Variants in ZFPM2 observed in about 807,000 individuals in gnomAD.
ZFPM2 encodes zinc finger protein ZFPM2.
Under a neutral mutation model 98.6 loss-of-function variants are expected in ZFPM2, and 20 were observed. That is an observed-to-expected ratio of 0.20 (90% CI 0.14 to 0.29). The LOEUF (loss-of-function observed/expected upper bound fraction) is 0.29, where lower values mean the gene tolerates loss of function less well. Among genes scored for constraint, ZFPM2 ranks in the 10% least tolerant of loss-of-function variants. ZFPM2 has a pLI of 1.00. For missense variants in ZFPM2, 1,310 were observed against 1,388.6 expected (o/e 0.94, Z 0.90); for synonymous variants, 518 against 502.7 (o/e 1.03, Z -0.41).
intron 3 of ZFPM2, among the ~76,000 whole-genome samples, chr8:105,522,094 G>A (rs1461558080): frequency 6.6e-6 from 1 of 152,138 alleles, no homozygotes; most frequent in African/African-American, 2.4e-5. Flanking sequence ...AAATTAGAAT[G>A]AACTATTTAA....
rs116233811 is a variant in ZFPM2, at chr8:105,598,361, A to T, written c.421-35885A>T. 6.5e-3 allele frequency among the ~76,000 whole-genome samples: 995 copies of T among 152,188 alleles called. 9 individuals are homozygous for T. The highest frequency in any genetic ancestry group is 0.023 in the African/African-American group (949 of 41,542). On this transcript the variant is annotated intron_variant, in intron 4 of 7. Transcript: ENST00000407775. ...TTTTATGAGAGAGAGAACTGATAGG[A>T]CTGATTACTTTTATTTTGATAAAGG...
chr8:105,397,724 C>A (rs1043565331), intron 1 of ZFPM2, among the ~76,000 whole-genome samples: 1 of 151,972 alleles, frequency 6.6e-6, no homozygotes, highest in African/African-American at 2.4e-5. Context: ...GTTTGTTGTG[C>A]CATATACAAG....
intron 1 of ZFPM2, among the ~76,000 whole-genome samples, chr8:105,395,644 A>T (rs187249657): frequency 6.6e-6 from 1 of 152,188 alleles, no homozygotes; most frequent in Non-Finnish European, 1.5e-5. Flanking sequence ...GTTTTATATA[A>T]TTATTAAGAA....
At position 105,803,230 on chromosome 8, in the gene ZFPM2, C is replaced by A. The variant is rs773967666; in HGVS notation, c.3148C>A (p.Gln1050Lys). Residue 1050 changes from glutamine to lysine, a missense_variant, in exon 8 of 8, where the codon CAA becomes AAA. Coordinates refer to ENST00000407775, the MANE Select transcript of ZFPM2 (RefSeq NM_012082.4). ...GGTAATAGTGAATGGTGGACTGAAA[C>A]AAGATGAGAGACCTGCTGCCAACCC... ...GMVIVNGGLK[Q>K]DERPAANPQQ... 6.2e-7 allele frequency: 1 copy of A among 1,609,576 alleles called. No individual in the cohort carries two copies. Among genetic ancestry groups the A allele is most frequent in the Non-Finnish European group, 8.5e-7 (1 of 1,177,158 alleles).
At chr8:105,447,217 A>C (rs1812392220) in intron 3 of ZFPM2, among the ~76,000 whole-genome samples, 1 of 151,974 alleles carries the variant, frequency 6.6e-6, no homozygotes, top group Non-Finnish European at 1.5e-5. Flanking sequence ...AAAATTAATA[A>C]AAAAATAAAA....
chr8:105,327,300 T>G (rs1451530056), intron 1 of ZFPM2, among the ~76,000 whole-genome samples: 1 of 151,662 alleles, frequency 6.6e-6, no homozygotes, highest in Non-Finnish European at 1.5e-5. Context: ...ATGAATAGAG[T>G]GAAGAATTAA....
intron 4 of ZFPM2, among the ~76,000 whole-genome samples, chr8:105,593,602 T>C (rs772310188): frequency 6.6e-6 from 1 of 151,808 alleles, no homozygotes; most frequent in Non-Finnish European, 1.5e-5. Context: ...AGTCATCTTA[T>C]TACCATGTAA....
chr8:105,330,867 C>A (rs923077363), intron 1 of ZFPM2, among the ~76,000 whole-genome samples: 1 of 149,784 alleles, frequency 6.7e-6, no homozygotes, highest in Non-Finnish European at 1.5e-5. Context: ...CTTGTAAAAT[C>A]GCTGTGTAAG....
At chr8:105,437,524 C>T (rs1431691596) in intron 2 of ZFPM2, among the ~76,000 whole-genome samples, 1 of 152,070 alleles carries the variant, frequency 6.6e-6, no homozygotes, top group Admixed American at 6.5e-5. Context: ...TGAGAATGAT[C>T]AGGGGTAAAT....
At chr8:105,473,576 G>A (rs1454442019) in intron 3 of ZFPM2, among the ~76,000 whole-genome samples, 1 of 152,104 alleles carries the variant, frequency 6.6e-6, no homozygotes, top group Non-Finnish European at 1.5e-5. Flanking sequence ...AATCAGCTAT[G>A]CCACAGAAGA....
At chr8:105,640,456 C>A (rs991440828) in intron 5 of ZFPM2, among the ~76,000 whole-genome samples, 1 of 152,000 alleles carries the variant, frequency 6.6e-6, no homozygotes, top group African/African-American at 2.4e-5. Flanking sequence ...CAAAATCATA[C>A]TATGACAGCC....
chr8:105,620,326 C>T (rs985672059), intron 4 of ZFPM2, among the ~76,000 whole-genome samples: 11 of 152,010 alleles, frequency 7.2e-5, no homozygotes, highest in African/African-American at 2.4e-4. Flanking sequence ...TGCATAAATG[C>T]CTTCTTTTGA....
intron 6 of ZFPM2, among the ~76,000 whole-genome samples, chr8:105,790,142 A>G (rs374114779): frequency 6.6e-6 from 1 of 151,574 alleles, no homozygotes; most frequent in Non-Finnish European, 1.5e-5. Flanking sequence ...TTGGTGTTTT[A>G]GACATGAAGT....
intron 3 of ZFPM2, among the ~76,000 whole-genome samples, chr8:105,542,974 G>A (rs758833440): frequency 1.3e-5 from 2 of 151,992 alleles, no homozygotes; most frequent in Non-Finnish European, 2.9e-5. Flanking sequence ...CTTGTTCTCA[G>A]GAAGTCAAGG....
intron 4 of ZFPM2, among the ~76,000 whole-genome samples, chr8:105,584,567 C>T (rs557958824): frequency 6.6e-6 from 1 of 152,278 alleles, no homozygotes; most frequent in African/African-American, 2.4e-5. Flanking sequence ...CCTAGTACTT[C>T]ACAGTCCAAC....
intron 1 of ZFPM2, among the ~76,000 whole-genome samples, chr8:105,417,939 G>A (rs558649796): frequency 8.9e-4 from 136 of 152,204 alleles, no homozygotes; most frequent in African/African-American, 3.2e-3. Context: ...TTAGTTGGAT[G>A]TCCCTTCATT....
chr8:105,706,615 T>C (rs1005269753), intron 5 of ZFPM2, among the ~76,000 whole-genome samples: 2 of 152,106 alleles, frequency 1.3e-5, no homozygotes, highest in African/African-American at 4.8e-5. Context: ...AGAGTCTCAC[T>C]GTCACTCAGG....
intron 1 of ZFPM2, among the ~76,000 whole-genome samples, chr8:105,406,544 C>T (rs1027329834): frequency 4.6e-5 from 7 of 151,996 alleles, no homozygotes; most frequent in African/African-American, 9.7e-5. Context: ...TAATGGTCCA[C>T]TCTTATTGTG....
At chr8:105,530,740 G>A (rs541597943) in intron 3 of ZFPM2, among the ~76,000 whole-genome samples, 54 of 152,142 alleles carry the variant, frequency 3.5e-4, no homozygotes, top group African/African-American at 1.2e-3. Context: ...CACATCAGGG[G>A]TTAGTGCTTC....
Sources: allele counts gnomAD v4.1 joint callset (sites outside exome capture counted in the v4.1 genomes callset), GRCh38; gene constraint gnomAD v4.1.1; transcripts MANE v1.5; gene names NCBI Gene and HGNC (gene_info 2026-07-23, HGNC 2026-07-21).